The following SH3RF1 variants were observed in gnomAD, a reference collection of about 807,000 sequenced individuals.
SH3RF1 encodes E3 ubiquitin-protein ligase SH3RF1.
In SH3RF1, 32 loss-of-function variants were observed where a neutral mutation model predicts 74.0. That is an observed-to-expected ratio of 0.43 (90% CI 0.33 to 0.58). The LOEUF (loss-of-function observed/expected upper bound fraction) is 0.58. Ranked by LOEUF, SH3RF1 falls within the 20% of genes least tolerant of loss-of-function variation. The pLI is 0.05. For missense variants in SH3RF1, 954 were observed against 1,130.9 expected (o/e 0.84, Z 2.24); for synonymous variants, 396 against 439.6 (o/e 0.90, Z 1.24).
At chr4:169,097,609 A>G (rs1044686736) in intron 11 of SH3RF1, among the ~76,000 whole-genome samples, 2 of 151,878 alleles carry the variant, frequency 1.3e-5, no homozygotes, top group Non-Finnish European at 2.9e-5. Flanking sequence ...ATCTTTCTCT[A>G]TTTTTCCAGC....
intron 2 of SH3RF1, among the ~76,000 whole-genome samples, chr4:169,167,458 C>T (rs942962109): frequency 2.0e-5 from 3 of 152,042 alleles, no homozygotes; most frequent in Non-Finnish European, 4.4e-5. Context: ...CCAAGATAAA[C>T]GAAAACATAC....
At chr4:169,117,411 G>GA in intron 9 of SH3RF1, 112 bp downstream of exon 9, 1 of 1,492,896 alleles carries the variant, frequency 6.7e-7, no homozygotes, top group Non-Finnish European at 9.1e-7. Context: ...TTTGCCTAAT[G>GA]TTGTTCATTA....
chr4:169,209,824 CT>C (rs1730328710), intron 2 of SH3RF1, among the ~76,000 whole-genome samples: 1 of 152,192 alleles, frequency 6.6e-6, no homozygotes, highest in Non-Finnish European at 1.5e-5. Flanking sequence ...GGGTCTCACT[CT>C]GTTGCCCAGG....
At chr4:169,147,884 C>T (rs539436041) in intron 4 of SH3RF1, among the ~76,000 whole-genome samples, 2 of 152,072 alleles carry the variant, frequency 1.3e-5, no homozygotes, top group Admixed American at 1.3e-4. Flanking sequence ...TAAAATGAAT[C>T]TATTCTGCTT....
At chr4:169,236,747 C>T (rs1029855876) in intron 2 of SH3RF1, among the ~76,000 whole-genome samples, 15 of 152,188 alleles carry the variant, frequency 9.9e-5, no homozygotes, top group African/African-American at 3.1e-4. Context: ...CAGTCTCTAA[C>T]AATCTGAGAC....
chr4:169,247,254 G>A (rs1390729626), intron 2 of SH3RF1, among the ~76,000 whole-genome samples: 1 of 152,212 alleles, frequency 6.6e-6, no homozygotes, highest in Non-Finnish European at 1.5e-5. Context: ...AGCTTGATAG[G>A]TTTAGACAGA....
intron 2 of SH3RF1, among the ~76,000 whole-genome samples, chr4:169,211,477 G>A (rs1416791826): frequency 2.1e-3 from 210 of 102,090 alleles, no homozygotes; most frequent in Middle Eastern, 7.5e-3. Flanking sequence ...GCGAGACTCC[G>A]TCTCAAAAAA....
chr4:169,177,705 A>G (rs1734443336), intron 2 of SH3RF1, among the ~76,000 whole-genome samples: 1 of 152,198 alleles, frequency 6.6e-6, no homozygotes, highest in Non-Finnish European at 1.5e-5. Context: ...ATGTGTTTAA[A>G]TATCTATAAT....
At chr4:169,199,392 C>A (rs898516325) in intron 2 of SH3RF1, among the ~76,000 whole-genome samples, 3 of 152,178 alleles carry the variant, frequency 2.0e-5, no homozygotes, top group Non-Finnish European at 4.4e-5. Flanking sequence ...TTCAAAGACT[C>A]GGGTTCTTAC....
intron 2 of SH3RF1, among the ~76,000 whole-genome samples, chr4:169,191,356 C>A (rs1270718904): frequency 2.0e-5 from 3 of 148,096 alleles, no homozygotes; most frequent in African/African-American, 7.4e-5. Flanking sequence ...AAGACCTCTA[C>A]CAGGGAAACT....
intron 2 of SH3RF1, among the ~76,000 whole-genome samples, chr4:169,267,441 G>C (rs1398858593): frequency 1.3e-5 from 2 of 152,082 alleles, no homozygotes; most frequent in Non-Finnish European, 2.9e-5. Flanking sequence ...TAAAATATTC[G>C]AGTCCAAATA....
At chr4:169,237,533 C>G (rs1264428543) in intron 2 of SH3RF1, among the ~76,000 whole-genome samples, 1 of 152,020 alleles carries the variant, frequency 6.6e-6, no homozygotes, top group Non-Finnish European at 1.5e-5. Context: ...GTTATACATA[C>G]CCATAAGGTA....
At chr4:169,177,928 G>T (rs1037288908) in intron 2 of SH3RF1, among the ~76,000 whole-genome samples, 6 of 151,932 alleles carry the variant, frequency 3.9e-5, no homozygotes, top group African/African-American at 1.5e-4. Context: ...TAAAGGCCTT[G>T]GTTCTCTCAG....
intron 4 of SH3RF1, among the ~76,000 whole-genome samples, chr4:169,138,535 C>T (rs1488993747): frequency 6.6e-6 from 1 of 152,174 alleles, no homozygotes; most frequent in Non-Finnish European, 1.5e-5. Flanking sequence ...ACTGACTGAT[C>T]AACTCAGCAC....
intron 4 of SH3RF1, among the ~76,000 whole-genome samples, chr4:169,141,812 C>CT (rs35864108): frequency 0.065 from 7,749 of 118,476 alleles, 413 homozygotes; most frequent in African/African-American, 0.14. Flanking sequence ...CTAATTTTTG[C>CT]TTTTTTTTTT....
intron 2 of SH3RF1, among the ~76,000 whole-genome samples, chr4:169,218,710 T>C (rs983974708): frequency 6.6e-6 from 1 of 151,882 alleles, no homozygotes; most frequent in African/African-American, 2.4e-5. Context: ...GCAGCATTAC[T>C]GCCTTTTTAT....
intron 2 of SH3RF1, among the ~76,000 whole-genome samples, chr4:169,248,637 C>A (rs1234329020): frequency 6.6e-6 from 1 of 152,040 alleles, no homozygotes; most frequent in Non-Finnish European, 1.5e-5. Flanking sequence ...ACATGTATCC[C>A]AGAACTTCAA....
At chr4:169,174,097 T>G (rs934975998) in intron 2 of SH3RF1, among the ~76,000 whole-genome samples, 4 of 152,072 alleles carry the variant, frequency 2.6e-5, no homozygotes, top group African/African-American at 9.7e-5. Context: ...AGGGTCTCAC[T>G]CTGTCACCCA....
intron 2 of SH3RF1, among the ~76,000 whole-genome samples, chr4:169,239,528 C>T (rs759220453): frequency 3.3e-5 from 5 of 152,164 alleles, no homozygotes; most frequent in African/African-American, 7.2e-5. Flanking sequence ...AGTTAACTTT[C>T]ATCCAAGTTA....
Sources: gnomAD v4.1 joint callset for allele counts (sites outside exome capture counted in the v4.1 genomes callset) on GRCh38, gnomAD v4.1.1 for gene constraint, MANE v1.5 for transcripts, NCBI Gene and HGNC (gene_info 2026-07-23, HGNC 2026-07-21) for gene names.